The following AGAP1 variants were observed in gnomAD, a reference collection of about 807,000 sequenced individuals.
AGAP1 encodes the protein ArfGAP with GTPase domain, ankyrin repeat and PH domain 1, also known as arf-GAP with GTPase, ANK repeat and PH domain-containing protein 1.
AGAP1 carries 29 observed loss-of-function variants against 105.3 expected under a neutral mutation model. The ratio of observed to expected loss-of-function variants is 0.28; its 90% confidence interval spans 0.21 to 0.38. The LOEUF is 0.38. AGAP1 is among the 10% of genes least tolerant of loss of function. The probability of loss-of-function intolerance (pLI) is 1.00; values close to 1 mark genes in which losing one functional copy is unlikely to be tolerated. For synonymous variants in AGAP1, 509 were observed against 485.9 expected, an observed-to-expected ratio of 1.05 and a Z score of -0.63; for missense variants, 998 against 1,165.1, an observed-to-expected ratio of 0.86 and a Z score of 2.09.
chr2:235,521,268 C>T (rs1942603252), intron 1 of AGAP1, among the ~76,000 whole-genome samples: 1 of 152,132 alleles, frequency 6.6e-6, no homozygotes, highest in Non-Finnish European at 1.5e-5. Flanking sequence ...CTCTTCTATC[C>T]TGGTGGAGGT....
chr2:235,736,442 G>A lies in AGAP1; in HGVS notation c.311-4521G>A, dbSNP rs2149637374. Among the ~76,000 whole-genome samples the A allele has an allele frequency of 6.6e-6, 1 of 152,276 alleles. No homozygotes were observed. Among genetic ancestry groups the A allele is most frequent in the South Asian group, 2.1e-4 (1 of 4,822 alleles). Reference sequence around the variant, plus strand: ...GGCAGATCCATTACATGGGCCATGGGCCAAGCTGTGCACCAGGTGCTGGGA... The same window carrying A: ...GGCAGATCCATTACATGGGCCATGGACCAAGCTGTGCACCAGGTGCTGGGA... On this transcript the variant is annotated intron_variant, in intron 3 of 17. Coordinates refer to ENST00000304032, the MANE Select transcript of AGAP1 (RefSeq NM_001037131.3). This position sits in a 1 kb window ranked among gnomAD's most constrained non-coding sequence, Gnocchi z 5.5.
Position 235,904,923 on chromosome 2 carries a change from G to T in AGAP1, c.1156-3815G>T, listed in dbSNP as rs6757412. ...CATTTTGTAAAATTTTTAAAAATGT[G>T]CAGTGCCTTGAAATATAAGAATTGG... On this transcript the variant is annotated intron_variant, in intron 10 of 17. Coordinates refer to ENST00000304032, the MANE Select transcript of AGAP1 (RefSeq NM_001037131.3). This position sits in a 1 kb window ranked among gnomAD's most constrained non-coding sequence, Gnocchi z 4.2. 0.69 allele frequency among the ~76,000 whole-genome samples: 105,035 copies of T among 151,680 alleles called. 37,950 individuals are homozygous for T. Among genetic ancestry groups the T allele is most frequent in the East Asian group, 0.96 (4,965 of 5,158 alleles).
In AGAP1 at chr2:235,552,562, G is replaced by A. The variant is rs770269936; in HGVS notation, c.163+57713G>A. Among the ~76,000 whole-genome samples the A allele has an allele frequency of 3.5e-4, 54 of 152,122 alleles. No homozygotes were observed. Among genetic ancestry groups the A allele is most frequent in the Admixed American group, 3.9e-4 (6 of 15,278 alleles). ...TTCAGTTGCCCTCATGAGCTCACCCGCAATGTGTGTAGGGGGATGCTGCTC... is the reference window on the plus strand; with the variant it reads ...TTCAGTTGCCCTCATGAGCTCACCCACAATGTGTGTAGGGGGATGCTGCTC... On this transcript the variant is annotated intron_variant, in intron 1 of 17. Transcript: ENST00000304032. The surrounding 1 kb of genome is among the most constrained non-coding windows in gnomAD (Gnocchi z 5.9).
Position 235,789,315 on chromosome 2 carries a change from C to T in AGAP1, c.674-8444C>T, listed in dbSNP as rs1192197407. ...AAATTCTGAAATTAACGTCAGCAGC[C>T]TTGACTTTGCTCTGTCCTGAAGGTA... On this transcript the variant is annotated intron_variant, in intron 6 of 17. Transcript: ENST00000304032. The surrounding 1 kb of genome is among the most constrained non-coding windows in gnomAD (Gnocchi z 4.2). Among the ~76,000 whole-genome samples, 1 of 152,152 alleles carries T rather than the reference C, an allele frequency of 6.6e-6. No homozygotes were observed. Among genetic ancestry groups the T allele is most frequent in the Non-Finnish European group, 1.5e-5 (1 of 68,032 alleles).
At position 235,973,849 on chromosome 2, in the gene AGAP1, G is replaced by T. The variant is rs1043136673; in HGVS notation, c.1645+5226G>T. On this transcript the variant is annotated intron_variant, in intron 13 of 17. Coordinates refer to ENST00000304032, the MANE Select transcript of AGAP1 (RefSeq NM_001037131.3). This position sits in a 1 kb window ranked among gnomAD's most constrained non-coding sequence, Gnocchi z 4.7. ...GGGCTCTAGAAGGTGATTGCACCAC[G>T]GCCCTGGATTCCCAACCAGGTCCAA... Among the ~76,000 whole-genome samples, 1 of 152,178 alleles carries T rather than the reference G, an allele frequency of 6.6e-6. No homozygotes were observed. The highest frequency in any genetic ancestry group is 1.5e-5 in the Non-Finnish European group (1 of 68,034).
rs1036576407 is a variant in AGAP1, at chr2:235,736,408, A to G, written c.311-4555A>G. Among the ~76,000 whole-genome samples the G allele has an allele frequency of 6.6e-6, 1 of 152,178 alleles. No homozygotes were observed. The highest frequency in any genetic ancestry group is 2.4e-5 in the African/African-American group (1 of 41,458). On this transcript the variant is annotated intron_variant, in intron 3 of 17. Transcript: ENST00000304032. This position sits in a 1 kb window ranked among gnomAD's most constrained non-coding sequence, Gnocchi z 5.5. Reference sequence around the variant, plus strand: ...TAATTGGCAGCAGAGAAGGTTGCACATCACTCATGGCAGATCCATTACATG... The same window carrying G: ...TAATTGGCAGCAGAGAAGGTTGCACGTCACTCATGGCAGATCCATTACATG...
At position 235,551,094 on chromosome 2, in the gene AGAP1, G is replaced by A. The variant is rs1943794311; in HGVS notation, c.163+56245G>A. On this transcript the variant is annotated intron_variant, in intron 1 of 17. Coordinates refer to ENST00000304032, the MANE Select transcript of AGAP1 (RefSeq NM_001037131.3). This position sits in a 1 kb window ranked among gnomAD's most constrained non-coding sequence, Gnocchi z 4.8. ...CGGCCATAGATAGTGTTTCTTAAGAGTGAGTTTGCTTCTGAGGAAGAGAAG... is the reference window on the plus strand; with the variant it reads ...CGGCCATAGATAGTGTTTCTTAAGAATGAGTTTGCTTCTGAGGAAGAGAAG... Among the ~76,000 whole-genome samples the A allele has an allele frequency of 6.6e-6, 1 of 152,174 alleles. No homozygotes were observed. Among genetic ancestry groups the A allele is most frequent in the Non-Finnish European group, 1.5e-5 (1 of 68,034 alleles).
intron 1 of AGAP1, among the ~76,000 whole-genome samples, chr2:235,542,983 C>T (rs1430663717): frequency 6.6e-6 from 1 of 152,120 alleles, no homozygotes; most frequent in Non-Finnish European, 1.5e-5. Flanking sequence ...GGAAGCCTGA[C>T]TTCCTGTTTG....
intron 16 of AGAP1, among the ~76,000 whole-genome samples, chr2:236,065,376 T>G (rs1380493843): frequency 1.3e-5 from 2 of 152,206 alleles, no homozygotes; most frequent in Admixed American, 1.3e-4. Context: ...TGGATGCATT[T>G]TATTTCTGAA....
In AGAP1 at chr2:236,125,791, G is replaced by A. The variant is rs1259909423; in HGVS notation, c.*1669G>A. 1 of 152,166 alleles carries A rather than the reference G, an allele frequency of 6.6e-6. No homozygotes were observed. Among genetic ancestry groups the A allele is most frequent in the Admixed American group, 6.6e-5 (1 of 15,266 alleles). 9.4% of individuals were successfully genotyped at this position (152,166 alleles called of 1,614,324 possible). ...CAGACGTCCGCCGCCTTCAGTGGTG[G>A]TAGTCAAATGTAGTCAACCAAACCA... is the stretch of plus-strand genomic sequence containing the variant. On this transcript the variant is annotated 3_prime_UTR_variant, in exon 18 of 18. Coordinates refer to ENST00000304032, the MANE Select transcript of AGAP1 (RefSeq NM_001037131.3). The surrounding 1 kb of genome is among the most constrained non-coding windows in gnomAD (Gnocchi z 5.2).
At chr2:235,986,582 C>T (rs753632598) in intron 13 of AGAP1, among the ~76,000 whole-genome samples, 1 of 152,146 alleles carries the variant, frequency 6.6e-6, no homozygotes, top group Non-Finnish European at 1.5e-5. Context: ...AGCTTTTGCA[C>T]ATTAAATATG....
At chr2:235,853,199 T>C (rs1559564986) in intron 9 of AGAP1, 1 of 1,051,074 alleles carries the variant, frequency 9.5e-7, no homozygotes, top group Non-Finnish European at 1.1e-6. Context: ...AAATCCAAGA[T>C]TGAGCGGATC....
chr2:236,124,258 C>T lies in AGAP1; in HGVS notation c.*136C>T, dbSNP rs2059968720. On this transcript the variant is annotated 3_prime_UTR_variant, in exon 18 of 18. Transcript: ENST00000304032. The surrounding 1 kb of genome is among the most constrained non-coding windows in gnomAD (Gnocchi z 5.1). ...TGGCCACCTCCCTCCCGCCCACCCA[C>T]TCTCACCCCAAACAAAATCACAAAA... The T allele has an allele frequency of 3.0e-6, 3 of 993,526 alleles. No homozygotes were observed. The highest frequency in any genetic ancestry group is 3.0e-6 in the Non-Finnish European group (2 of 671,112). 61.5% of individuals were successfully genotyped at this position (993,526 alleles called of 1,614,324 possible).
intron 12 of AGAP1, among the ~76,000 whole-genome samples, chr2:235,946,172 T>C (rs1296172487): frequency 1.3e-5 from 2 of 152,058 alleles, no homozygotes; most frequent in Non-Finnish European, 2.9e-5. Context: ...TCTAAAAAAC[T>C]CAGTCCTACA....
At chr2:235,563,970 C>A (rs748692965) in intron 1 of AGAP1, among the ~76,000 whole-genome samples, 3 of 152,050 alleles carry the variant, frequency 2.0e-5, no homozygotes, top group Non-Finnish European at 4.4e-5. Context: ...GTCTGTGATT[C>A]CCAGACCCAT....
intron 13 of AGAP1, among the ~76,000 whole-genome samples, chr2:235,972,833 G>A (rs2054708660): frequency 6.6e-6 from 1 of 152,134 alleles, no homozygotes; most frequent in Non-Finnish European, 1.5e-5. Context: ...ACAAACACAG[G>A]AAACGAAGCT....
Position 235,586,630 on chromosome 2 carries a change from G to A in AGAP1, c.163+91781G>A, listed in dbSNP as rs1945121976. Reference sequence around the variant, plus strand: ...GGTGATAATCCACACACTGTCCTGGGCCTTGGTTTTGCAGCATTTCCAACT... The same window carrying A: ...GGTGATAATCCACACACTGTCCTGGACCTTGGTTTTGCAGCATTTCCAACT... On this transcript the variant is annotated intron_variant, in intron 1 of 17. Coordinates refer to ENST00000304032, the MANE Select transcript of AGAP1 (RefSeq NM_001037131.3). This position sits in a 1 kb window ranked among gnomAD's most constrained non-coding sequence, Gnocchi z 4.2. 6.6e-6 allele frequency among the ~76,000 whole-genome samples: 1 copy of A among 152,182 alleles called. No homozygotes were observed. The highest frequency in any genetic ancestry group is 2.4e-5 in the African/African-American group (1 of 41,438).
intron 16 of AGAP1, among the ~76,000 whole-genome samples, chr2:236,103,419 G>A (rs1025788227): frequency 6.6e-6 from 1 of 151,824 alleles, no homozygotes; most frequent in Admixed American, 6.6e-5. Context: ...GTCTGACCCT[G>A]CTGGGCCACT....
chr2:235,514,940 G>A (rs1384136792), intron 1 of AGAP1, among the ~76,000 whole-genome samples: 6 of 152,194 alleles, frequency 3.9e-5, no homozygotes, highest in Non-Finnish European at 1.5e-5. Context: ...GCCTGCAGCC[G>A]TATTGGTCAG....
Sources: gnomAD v4.1 joint callset for allele counts (sites outside exome capture counted in the v4.1 genomes callset) on GRCh38, gnomAD v4.1.1 for gene constraint, Gnocchi (gnomAD v3.1) non-coding constraint, MANE v1.5 for transcripts, NCBI Gene and HGNC (gene_info 2026-07-23, HGNC 2026-07-21) for gene names.